OOSP1: variants seen among roughly 807,000 people sequenced by gnomAD.
OOSP1 encodes the protein oocyte secreted protein 1.
Under a neutral mutation model 5.7 loss-of-function variants are expected in OOSP1, and 11 were observed. The observed-to-expected ratio is 1.94, with a 90% CI of 1.22 to 3.20. The LOEUF (loss-of-function observed/expected upper bound fraction) is 3.20, where lower values mean the gene tolerates loss of function less well. Among genes scored for constraint, OOSP1 ranks in the 30% most tolerant of loss-of-function variants. OOSP1 has a pLI of 0.00. For missense variants in OOSP1, 83 were observed against 54.1 expected, an observed-to-expected ratio of 1.53 and a Z score of -1.67; for synonymous variants, 44 against 20.0, an observed-to-expected ratio of 2.20 and a Z score of -3.20.
At chr11:59,951,518 A>G (rs1272419341) in intron 4 of OOSP1, among the ~76,000 whole-genome samples, 2 of 152,088 alleles carry the variant, frequency 1.3e-5, no homozygotes, top group African/African-American at 4.8e-5. Context: ...TGTGGTCTGC[A>G]TCCTGAGAGG....
intron 2 of OOSP1, among the ~76,000 whole-genome samples, chr11:59,944,433 T>C (rs946105083): frequency 2.0e-5 from 3 of 152,120 alleles, no homozygotes; most frequent in Non-Finnish European, 4.4e-5. Context: ...TCATTTTATC[T>C]ATGCTTATAT....
intron 3 of OOSP1, among the ~76,000 whole-genome samples, chr11:59,945,620 G>T (rs1853874336): frequency 6.6e-6 from 1 of 151,544 alleles, no homozygotes; most frequent in South Asian, 2.1e-4. Context: ...CATGGTGGGG[G>T]GTTGCCTGTA....
chr11:59,939,315 G>A (rs1004823635), intron 1 of OOSP1, among the ~76,000 whole-genome samples: 1 of 150,152 alleles, frequency 6.7e-6, no homozygotes, highest in African/African-American at 2.5e-5. Context: ...GCAGTGGTAT[G>A]ATCTGGGCTC....
At chr11:59,940,526 C>T (rs1853814068) in intron 1 of OOSP1, among the ~76,000 whole-genome samples, 2 of 152,178 alleles carry the variant, frequency 1.3e-5, no homozygotes, top group Non-Finnish European at 2.9e-5. Flanking sequence ...TTGTCCATCA[C>T]TTGGAGATTT....
exon 1 of OOSP1, chr11:59,938,452 C>A: frequency 3.5e-6 from 2 of 575,896 alleles, no homozygotes; most frequent in South Asian, 2.3e-5. Flanking sequence ...TCAATCTGGG[C>A]AAATGAAGAC....
intron 2 of OOSP1, among the ~76,000 whole-genome samples, chr11:59,943,794 T>C (rs560858742): frequency 1.3e-5 from 2 of 152,356 alleles, no homozygotes; most frequent in South Asian, 4.1e-4. Context: ...TAAGTCATTG[T>C]GCATATCACT....
intron 3 of OOSP1, among the ~76,000 whole-genome samples, chr11:59,946,449 C>T (rs1441688492): frequency 1.3e-5 from 2 of 152,190 alleles, no homozygotes; most frequent in African/African-American, 2.4e-5. Flanking sequence ...TTGGGGATTA[C>T]AATGAACATG....
At chr11:59,950,683 A>G (rs1033559445) in intron 4 of OOSP1, among the ~76,000 whole-genome samples, 1 of 152,170 alleles carries the variant, frequency 6.6e-6, no homozygotes, top group Non-Finnish European at 1.5e-5. Context: ...GATGACTTTG[A>G]TAAAAGACAG....
At chr11:59,955,222 T>C (rs1853982560) in intron 4 of OOSP1, among the ~76,000 whole-genome samples, 1 of 152,182 alleles carries the variant, frequency 6.6e-6, no homozygotes, top group Admixed American at 6.5e-5. Context: ...GTGAATGTGC[T>C]TATTAAAGCA....
intron 3 of OOSP1, among the ~76,000 whole-genome samples, chr11:59,946,915 A>ATATCTATCTATC (rs10555344): frequency 1.3e-3 from 183 of 145,228 alleles, no homozygotes; most frequent in East Asian, 2.0e-3. Context: ...CTCATCTACC[A>ATATCTATCTATC]TATCTATCTA....
At chr11:59,948,126 ATTAAC>A (rs1012575065) in intron 4 of OOSP1, among the ~76,000 whole-genome samples, 1 of 152,188 alleles carries the variant, frequency 6.6e-6, no homozygotes, top group Admixed American at 6.5e-5. Flanking sequence ...AAATACTATA[ATTAAC>A]TTAAAAAGAA....
At chr11:59,938,485 T>C (rs1853793800) in exon 1 of OOSP1, 1 of 629,872 alleles carries the variant, frequency 1.6e-6, no homozygotes, top group Non-Finnish European at 2.9e-6. Context: ...CAAAGGGCTC[T>C]TTTATCTGCA....
intron 2 of OOSP1, 74 bp from the exon 3 acceptor site, chr11:59,945,095 C>G (rs1013258871): frequency 2.9e-6 from 2 of 687,226 alleles, no homozygotes; most frequent in African/African-American, 3.5e-5. Flanking sequence ...TCTATAAATT[C>G]CTATTTAAAT....
At chr11:59,939,232 C>T (rs552177839) in intron 1 of OOSP1, among the ~76,000 whole-genome samples, 19 of 148,546 alleles carry the variant, frequency 1.3e-4, no homozygotes, top group Non-Finnish European at 1.8e-4. Flanking sequence ...CTTTCCCTTC[C>T]TTCCTCCTTT....
chr11:59,943,064 C>T, intron 2 of OOSP1, 36 bp downstream of exon 2: 1 of 699,190 alleles, frequency 1.4e-6, no homozygotes, highest in Non-Finnish European at 2.6e-6. Flanking sequence ...ACCCAAGTGT[C>T]CAGGTGTGTG....
intron 1 of OOSP1, among the ~76,000 whole-genome samples, chr11:59,942,306 GAT>G (rs1853836872): frequency 6.6e-6 from 1 of 152,104 alleles, no homozygotes; most frequent in South Asian, 2.1e-4. Context: ...TTAATGTCCA[GAT>G]ATTTCAAGAT....
intron 4 of OOSP1, among the ~76,000 whole-genome samples, chr11:59,956,337 C>T (rs1450728226): frequency 1.3e-5 from 2 of 152,058 alleles, no homozygotes; most frequent in Non-Finnish European, 2.9e-5. Context: ...AAGTTAATCA[C>T]GTGAGTGGCA....
At chr11:59,955,479 A>G (rs147666022) in intron 4 of OOSP1, among the ~76,000 whole-genome samples, 43 of 152,348 alleles carry the variant, frequency 2.8e-4, no homozygotes, top group African/African-American at 1.0e-3. Context: ...GCCCAATTAT[A>G]CAATAAATGA....
intron 1 of OOSP1, among the ~76,000 whole-genome samples, chr11:59,942,300 T>C (rs539933402): frequency 6.6e-6 from 1 of 152,172 alleles, no homozygotes; most frequent in African/African-American, 2.4e-5. Context: ...AAAAACTTAA[T>C]GTCCAGATAT....
Sources: allele counts gnomAD v4.1 joint callset (sites outside exome capture counted in the v4.1 genomes callset), GRCh38; gene constraint gnomAD v4.1.1; transcripts MANE v1.5; gene names NCBI Gene and HGNC (gene_info 2026-07-23, HGNC 2026-07-21).